ZCCHC14: variants seen among roughly 807,000 people sequenced by gnomAD.
ZCCHC14 encodes the protein zinc finger CCHC domain-containing protein 14.
ZCCHC14 carries 16 observed loss-of-function variants against 85.0 expected under a neutral mutation model. The observed-to-expected ratio is 0.19, with a 90% CI of 0.13 to 0.29. The LOEUF is 0.29. Ranked by LOEUF, ZCCHC14 falls within the 10% of genes least tolerant of loss-of-function variation. ZCCHC14 has a pLI of 1.00. For synonymous variants in ZCCHC14, 775 were observed against 630.7 expected (o/e 1.23, Z -3.43); for missense variants, 1,303 against 1,443.5 (o/e 0.90, Z 1.58).
intron 1 of ZCCHC14, among the ~76,000 whole-genome samples, chr16:87,485,644 G>T (rs1007358653): frequency 6.7e-6 from 1 of 149,718 alleles, no homozygotes; most frequent in African/African-American, 2.5e-5. Flanking sequence ...ATCCCTCTAA[G>T]GTGGGGGGCG....
chr16:87,467,139 T>G (rs1332672234), intron 1 of ZCCHC14: 3 of 1,006,680 alleles, frequency 3.0e-6, no homozygotes, highest in Admixed American at 3.6e-5. Context: ...CTCCACCAGA[T>G]CAGACCTGTT....
At chr16:87,461,664 G>A (rs187357537) in intron 1 of ZCCHC14, among the ~76,000 whole-genome samples, 4 of 152,322 alleles carry the variant, frequency 2.6e-5, no homozygotes, top group Admixed American at 2.0e-4. Context: ...CCAGGTAGGC[G>A]TGGCCTCGAC....
intron 1 of ZCCHC14, among the ~76,000 whole-genome samples, chr16:87,490,394 C>CA (rs199935479): frequency 1.3e-5 from 2 of 152,222 alleles, no homozygotes; most frequent in African/African-American, 4.8e-5. Context: ...TATTCCCTTC[C>CA]AAAAAATAAT....
At chr16:87,473,051 A>T (rs1236144277) in intron 1 of ZCCHC14, 1 of 152,150 alleles carries the variant, frequency 6.6e-6, no homozygotes, top group Non-Finnish European at 1.5e-5. Flanking sequence ...GACACTCGTA[A>T]TGTTAGAAAC....
intron 10 of ZCCHC14, among the ~76,000 whole-genome samples, chr16:87,414,188 G>A (rs1344420118): frequency 3.4e-5 from 5 of 148,158 alleles, no homozygotes; most frequent in South Asian, 4.2e-4. Flanking sequence ...TAACCCACCT[G>A]CCCGGCACAC....
chr16:87,481,552 G>GGA (rs1567544383), intron 1 of ZCCHC14, among the ~76,000 whole-genome samples: 2 of 31,166 alleles, frequency 6.4e-5, no homozygotes, highest in Non-Finnish European at 1.4e-4. Context: ...TGGGGGGGGG[G>GGA]AAGGGTAAGC....
chr16:87,450,568 C>CT (rs896071309), intron 2 of ZCCHC14, among the ~76,000 whole-genome samples: 3,988 of 125,556 alleles, frequency 0.032, 59 homozygotes, highest in Middle Eastern at 0.054. Context: ...ATAATAGATT[C>CT]TTTTTTTTTT....
At chr16:87,422,987 C>T (rs1402827341) in intron 4 of ZCCHC14, among the ~76,000 whole-genome samples, 1 of 152,148 alleles carries the variant, frequency 6.6e-6, no homozygotes, top group Non-Finnish European at 1.5e-5. Context: ...TAAGTGTAAT[C>T]AGACATCGTC....
rs1316329913 is a variant in ZCCHC14 at position 87,413,258 on chromosome 16, T to A, written c.1604-63A>T. On this transcript the variant is annotated intron_variant, in intron 10 of 12. Coordinates refer to ENST00000671377, the MANE Select transcript of ZCCHC14 (RefSeq NM_015144.3). ...GCCCCTGCAGGCTCAGCCCGCCCCG[T>A]GCCCCTGCATCGCACTGTCGGCAGG... 4.1e-6 allele frequency: 6 copies of A among 1,456,048 alleles called. No homozygotes were observed. The East Asian group carries it at 1.5e-4, about 36-fold the overall frequency. The allele number at this position is 1,456,048 out of a possible 1,614,324, so 90.2% of individuals were successfully genotyped here. A position where few individuals can be genotyped will look rare whatever the true frequency, so the allele number is the denominator to read the frequency against.
rs1159177096 is a variant in ZCCHC14, at chr16:87,412,009, G to A, written c.2712C>T (p.His904=). Residue 904 remains histidine (H), a synonymous_variant, in exon 12 of 13, where the codon CAC becomes CAT. Coordinates refer to ENST00000671377, the MANE Select transcript of ZCCHC14 (RefSeq NM_015144.3). ...GGGGTGCCGGGGGCTGCTGATGGTGGTGGTGGTGGTGGTGGTTCGGATTCG... is the reference window on the plus strand; with the variant it reads ...GGGGTGCCGGGGGCTGCTGATGGTGATGGTGGTGGTGGTGGTTCGGATTCG... The part of the protein sequence containing the change: ...PASNPNHHHH[H]HHQQPPAPPQ... The A allele has an allele frequency of 6.2e-6, 10 of 1,608,934 alleles. No individual in the cohort carries two copies. Among genetic ancestry groups the A allele is most frequent in the Non-Finnish European group, 8.5e-6 (10 of 1,179,604 alleles).
At chr16:87,448,748 T>C (rs892701884) in intron 2 of ZCCHC14, among the ~76,000 whole-genome samples, 8 of 152,260 alleles carry the variant, frequency 5.3e-5, no homozygotes, top group Non-Finnish European at 1.2e-4. Context: ...AAAATGTTAA[T>C]TGGAGTTTCC....
At chr16:87,426,014 C>T (rs1021216336) in intron 3 of ZCCHC14, among the ~76,000 whole-genome samples, 1 of 152,244 alleles carries the variant, frequency 6.6e-6, no homozygotes, top group Non-Finnish European at 1.5e-5. Context: ...TGTTCGGATA[C>T]ATTTTTCTCT....
chr16:87,414,935 A>G (rs541010761), intron 9 of ZCCHC14, among the ~76,000 whole-genome samples: 1 of 152,082 alleles, frequency 6.6e-6, no homozygotes, highest in African/African-American at 2.4e-5. Flanking sequence ...ACAAAAAATT[A>G]GCCAGGCGTG....
At chr16:87,453,716 C>T (rs780511032) in intron 2 of ZCCHC14, among the ~76,000 whole-genome samples, 13 of 152,220 alleles carry the variant, frequency 8.5e-5, no homozygotes, top group Non-Finnish European at 1.5e-5. Context: ...CTCTTCAGAA[C>T]ATGAGAAAAG....
At chr16:87,481,872 G>A (rs1023260087) in intron 1 of ZCCHC14, among the ~76,000 whole-genome samples, 7 of 152,238 alleles carry the variant, frequency 4.6e-5, no homozygotes, top group South Asian at 2.1e-4. Context: ...ATTTCTTACA[G>A]TTCTGGAGGC....
At chr16:87,425,032 C>CA (rs1315447367) in intron 3 of ZCCHC14, among the ~76,000 whole-genome samples, 1 of 152,174 alleles carries the variant, frequency 6.6e-6, no homozygotes, top group Non-Finnish European at 1.5e-5. Flanking sequence ...CATGGGCCTG[C>CA]AGTCTAGTCC....
intron 10 of ZCCHC14, among the ~76,000 whole-genome samples, chr16:87,413,630 G>A (rs1045156314): frequency 1.1e-4 from 17 of 151,932 alleles, no homozygotes; most frequent in Non-Finnish European, 1.5e-4. Flanking sequence ...AAGAAAACCC[G>A]GCTCCTCTTG....
At chr16:87,418,936 C>T in intron 6 of ZCCHC14, 35 bp from the exon 7 acceptor site, 5 of 1,538,766 alleles carry the variant, frequency 3.2e-6, no homozygotes, top group South Asian at 1.2e-5. Flanking sequence ...TAAAAATTTA[C>T]AGACAATGAA....
Position 87,412,505 on chromosome 16 carries a change from A to G in ZCCHC14, c.2216T>C (p.Leu739Pro), listed in dbSNP as rs1187206939. The change falls in exon 12 of 13, where the codon CTG (leucine) becomes CCG (proline). Residue 739 changes from leucine (L) to proline (P), a missense_variant. Around this residue, in one of 7 missense-constraint regions of ZCCHC14, gnomAD observed 797 missense variants for 730.8 expected, o/e 1.09. Transcript: ENST00000671377. Reference protein sequence around the residue: ...PRTKVVHASTLDRVLKTAQQP... With the variant: ...PRTKVVHASTPDRVLKTAQQP... ...CTGTGCTGTCTTCAGCACCCTGTCC[A>G]GCGTGGATGCATGCACGACTTTGGT... The G allele has an allele frequency of 1.2e-6, 2 of 1,614,016 alleles. No individual in the cohort carries two copies. The highest frequency in any genetic ancestry group is 1.7e-6 in the Non-Finnish European group (2 of 1,180,014).
Sources: allele counts gnomAD v4.1 joint callset (sites outside exome capture counted in the v4.1 genomes callset), GRCh38; gene constraint gnomAD v4.1.1; regional missense constraint gnomAD v4.1.1; transcripts MANE v1.5; gene names NCBI Gene and HGNC (gene_info 2026-07-23, HGNC 2026-07-21).